Variants in PTPRS observed in about 807,000 individuals in gnomAD.
The protein encoded by PTPRS is receptor-type tyrosine-protein phosphatase S.
A neutral mutation model predicts 215.3 loss-of-function variants in PTPRS; 63 were observed. The ratio of observed to expected loss-of-function variants is 0.29; its 90% confidence interval spans 0.24 to 0.36. The LOEUF is 0.36. Ranked by LOEUF, PTPRS falls within the 10% of genes least tolerant of loss-of-function variation. The pLI is 1.00. For missense variants in PTPRS, 2,258 were observed against 2,825.8 expected (o/e 0.80, Z 4.56); for synonymous variants, 1,404 against 1,191.4 (o/e 1.18, Z -3.68).
intron 13 of PTPRS, among the ~76,000 whole-genome samples, chr19:5,236,663 A>C (rs1028529839): frequency 1.3e-5 from 2 of 152,154 alleles, no homozygotes; most frequent in African/African-American, 4.8e-5. Flanking sequence ...ACACTGGGCT[A>C]CCAGAGACTG....
chr19:5,328,313 T>C (rs1214892675), intron 1 of PTPRS, among the ~76,000 whole-genome samples: 1 of 152,084 alleles, frequency 6.6e-6, no homozygotes, highest in Non-Finnish European at 1.5e-5. Flanking sequence ...TTTCACCATG[T>C]TGGCCAGGTT....
rs2159091 is a variant in PTPRS, at chr19:5,334,403, G to A, written c.-95+6261C>T. ...CCGTTCTGAATCTGTGCTTACACAC[G>A]TTAACTCATTTCTTCCTCCTAACAA... is the stretch of plus-strand genomic sequence containing the variant. On this transcript the variant is annotated intron_variant, in intron 1 of 37. Transcript: ENST00000262963. Among the ~76,000 whole-genome samples, 801 of 152,326 alleles carry A rather than the reference G, an allele frequency of 5.3e-3. 2 individuals carry two copies. Among genetic ancestry groups the A allele is most frequent in the African/African-American group, 0.018 (742 of 41,566 alleles).
At chr19:5,262,235 A>C (rs1281579367) in intron 6 of PTPRS, among the ~76,000 whole-genome samples, 1 of 152,204 alleles carries the variant, frequency 6.6e-6, no homozygotes, top group East Asian at 1.9e-4. Context: ...AGATGGTGCC[A>C]CTGCACTCCA....
At chr19:5,310,867 G>A (rs528030982) in intron 1 of PTPRS, among the ~76,000 whole-genome samples, 63 of 151,682 alleles carry the variant, frequency 4.2e-4, no homozygotes, top group African/African-American at 1.5e-3. Context: ...CACCACACCC[G>A]GCTAATTTTT....
chr19:5,258,836 G>C (rs1336569591), intron 7 of PTPRS, among the ~76,000 whole-genome samples: 1 of 152,202 alleles, frequency 6.6e-6, no homozygotes, highest in Non-Finnish European at 1.5e-5. Context: ...GCCTGAAACT[G>C]ATTGAAGAGA....
intron 14 of PTPRS, among the ~76,000 whole-genome samples, chr19:5,230,053 G>C (rs2042891312): frequency 6.6e-6 from 1 of 152,164 alleles, no homozygotes; most frequent in Non-Finnish European, 1.5e-5. Flanking sequence ...CTAGAGAGTT[G>C]ATTCTGTGAT....
intron 2 of PTPRS, among the ~76,000 whole-genome samples, chr19:5,283,918 T>C (rs967870777): frequency 7.3e-5 from 11 of 151,340 alleles, no homozygotes; most frequent in African/African-American, 2.7e-4. Context: ...TGTAAGAAAT[T>C]TAAAAACTTA....
At chr19:5,328,328 T>C (rs995836165) in intron 1 of PTPRS, among the ~76,000 whole-genome samples, 2 of 152,046 alleles carry the variant, frequency 1.3e-5, no homozygotes, top group Non-Finnish European at 2.9e-5. Context: ...CAGGTTGGTC[T>C]CAAACTCCTG....
intron 1 of PTPRS, among the ~76,000 whole-genome samples, chr19:5,310,020 C>T (rs892248129): frequency 1.3e-5 from 2 of 152,190 alleles, no homozygotes; most frequent in Non-Finnish European, 2.9e-5. Flanking sequence ...CAAGGGCCTG[C>T]ACAACCTGCT....
intron 23 of PTPRS, 118 bp from the exon 24 acceptor site, chr19:5,218,916 T>C (rs547691540): frequency 9.1e-7 from 1 of 1,101,974 alleles, no homozygotes; most frequent in African/African-American, 1.6e-5. Flanking sequence ...TCTGTGAGCT[T>C]TGGTCTCCTC....
At position 5,215,336 on chromosome 19, in the gene PTPRS, T is replaced by G; in HGVS notation, c.4271A>C (p.Asn1424Thr). ...EVNKPKNRYA[N>T]VIAYDHSRVI... The stretch of plus-strand genomic sequence containing the variant: ...ACGGGAGTGGTCATAGGCGATGACG[T>G]TGGCATAGCGGTTCTTCGGCTTGTT... Residue 1424 changes from asparagine to threonine, a missense_variant, in exon 28 of 38, where the codon AAC (asparagine) becomes ACC (threonine). Coordinates refer to ENST00000262963, the MANE Select transcript of PTPRS (RefSeq NM_002850.4). The G allele has an allele frequency of 6.2e-7, 1 of 1,614,156 alleles. No individual in the cohort carries two copies. Among genetic ancestry groups the G allele is most frequent in the Non-Finnish European group, 8.5e-7 (1 of 1,180,012 alleles).
At chr19:5,311,797 T>A (rs1461200926) in intron 1 of PTPRS, among the ~76,000 whole-genome samples, 1 of 151,908 alleles carries the variant, frequency 6.6e-6, no homozygotes, top group East Asian at 1.9e-4. Context: ...TCCCAGCACT[T>A]TGGGAGGCTG....
intron 1 of PTPRS, among the ~76,000 whole-genome samples, chr19:5,313,212 C>A (rs943230489): frequency 6.6e-6 from 1 of 152,200 alleles, no homozygotes; most frequent in African/African-American, 2.4e-5. Flanking sequence ...CCACCGTGCC[C>A]GGTCCTGGCC....
chr19:5,259,885 C>T (rs1016542167), intron 7 of PTPRS, among the ~76,000 whole-genome samples: 2 of 152,174 alleles, frequency 1.3e-5, no homozygotes, highest in African/African-American at 2.4e-5. Flanking sequence ...CTCCCTGGAC[C>T]TCGAGGTTCT....
chr19:5,223,011 C>A lies in PTPRS; in HGVS notation c.2781G>T (p.Thr927=). 6.5e-7 allele frequency: 1 copy of A among 1,542,810 alleles called. No homozygotes were observed. The highest frequency in any genetic ancestry group is 1.2e-5 in the South Asian group (1 of 84,112). ...CCAGAATCTGCGGGTGGCCACGGGG[C>A]GTGTCCTCCGGGATGCTCAGGACCT... ...AAEVLSIPED[T]PRGHPQILEA... The change falls in exon 18 of 38, where the codon ACG becomes ACT. Residue 927 remains threonine, a synonymous_variant. Coordinates refer to ENST00000262963, the MANE Select transcript of PTPRS (RefSeq NM_002850.4).
intron 19 of PTPRS, among the ~76,000 whole-genome samples, chr19:5,221,553 C>G (rs1283387054): frequency 1.3e-5 from 2 of 152,194 alleles, no homozygotes; most frequent in East Asian, 3.9e-4. Flanking sequence ...CCGACTGAGC[C>G]CCAATCCCAC....
chr19:5,271,061 CAAGCTGG>C (rs2046866407), intron 4 of PTPRS, among the ~76,000 whole-genome samples: 1 of 152,204 alleles, frequency 6.6e-6, no homozygotes, highest in East Asian at 1.9e-4. Context: ...CCCAGGGCTC[CAAGCTGG>C]TCACAGCTGG....
intron 2 of PTPRS, among the ~76,000 whole-genome samples, chr19:5,285,636 G>A (rs1429011959): frequency 6.6e-6 from 1 of 152,156 alleles, no homozygotes; most frequent in African/African-American, 2.4e-5. Context: ...TGAACTCTGT[G>A]GCTCACTAAG....
In PTPRS at chr19:5,285,205, G is replaced by A. The variant is rs147050059; in HGVS notation, c.91+845C>T. 3.9e-5 allele frequency among the ~76,000 whole-genome samples: 6 copies of A among 152,288 alleles called. No individual in the cohort carries two copies. In the East Asian group the frequency reaches 1.2e-3, roughly 29 times the overall value. On this transcript the variant is annotated intron_variant, in intron 2 of 37. Coordinates refer to ENST00000262963, the MANE Select transcript of PTPRS (RefSeq NM_002850.4). The stretch of plus-strand genomic sequence containing the variant: ...GAGGCTGAGCCACTAGCCCGGGGTT[G>A]TGCAGCAGGTTGGCAGCAGAGCCAG...
Sources: gnomAD v4.1 joint callset for allele counts (sites outside exome capture counted in the v4.1 genomes callset) on GRCh38, gnomAD v4.1.1 for gene constraint, MANE v1.5 for transcripts, NCBI Gene and HGNC (gene_info 2026-07-23, HGNC 2026-07-21) for gene names.